The following CDH7 variants were observed in gnomAD, a reference collection of about 807,000 sequenced individuals.
The protein encoded by CDH7 is cadherin 7, also known as cadherin-7.
A neutral mutation model predicts 71.8 loss-of-function variants in CDH7; 25 were observed. The ratio of observed to expected loss-of-function variants is 0.35; its 90% CI spans 0.25 to 0.49. The LOEUF is 0.49. CDH7 is among the 20% of genes least tolerant of loss of function. The pLI is 0.99. For missense variants in CDH7, 862 were observed against 974.6 expected (o/e 0.88, Z 1.54); for synonymous variants, 381 against 363.8 (o/e 1.05, Z -0.54).
chr18:65,806,021 A>C (rs1347142938), intron 2 of CDH7, among the ~76,000 whole-genome samples: 3 of 152,228 alleles, frequency 2.0e-5, no homozygotes, highest in Non-Finnish European at 2.9e-5. Context: ...CAATAGACTC[A>C]TGGTGGAGGG....
rs189355823 is a variant in CDH7, at chr18:65,849,540, G to A, written c.1235+5475G>A. 2.6e-5 allele frequency among the ~76,000 whole-genome samples: 4 copies of A among 151,446 alleles called. No homozygotes were observed. In the East Asian group the frequency reaches 5.9e-4, roughly 23 times the overall value. Reference sequence around the variant, plus strand: ...CAATTCTTCTGCCCCTGCCTCCCGAGTAGCTGGCATTACAGGCATCCGCCA... The same window carrying A: ...CAATTCTTCTGCCCCTGCCTCCCGAATAGCTGGCATTACAGGCATCCGCCA... On this transcript the variant is annotated intron_variant, in intron 7 of 11. Transcript: ENST00000397968.
intron 2 of CDH7, among the ~76,000 whole-genome samples, chr18:65,801,156 G>A (rs774406657): frequency 8.5e-5 from 13 of 152,052 alleles, no homozygotes; most frequent in Admixed American, 5.9e-4. Flanking sequence ...TACCCCTTCT[G>A]GTTTTCATCC....
chr18:65,817,526 T>C (rs1369157873), intron 4 of CDH7, among the ~76,000 whole-genome samples: 1 of 152,164 alleles, frequency 6.6e-6, no homozygotes, highest in African/African-American at 2.4e-5. Context: ...ACACTAGAGA[T>C]AGATAAGCCA....
At chr18:65,792,561 T>C (rs1368769128) in intron 2 of CDH7, among the ~76,000 whole-genome samples, 4 of 152,118 alleles carry the variant, frequency 2.6e-5, no homozygotes, top group African/African-American at 9.7e-5. Flanking sequence ...AGGTAATATG[T>C]GTGTGGATAA....
At position 65,781,866 on chromosome 18, in the gene CDH7, C is replaced by CTCTCTCTG. The variant is rs1910244133; in HGVS notation, c.210+18821_210+18822insGTCTCTCT. ...TCTTTCTTTCTTTCTTTCTTTCTTTCTCTCTCTCTCTCTGTCTCTCTCTCT... is the reference window on the plus strand; with the variant it reads ...TCTTTCTTTCTTTCTTTCTTTCTTTCTCTCTCTGTCTCTCTCTCTCTGTCTCTCTCTCT... On this transcript the variant is annotated intron_variant, in intron 2 of 11. Coordinates refer to ENST00000397968, the MANE Select transcript of CDH7 (RefSeq NM_004361.5). 1.0e-4 allele frequency among the ~76,000 whole-genome samples: 6 copies of CTCTCTCTG among 59,746 alleles called. 1 individual carries two copies. The highest frequency in any genetic ancestry group is 5.8e-4 in the African/African-American group (6 of 10,352). 39.2% of individuals were successfully genotyped at this position (59,746 alleles called of 152,430 possible).
intron 2 of CDH7, among the ~76,000 whole-genome samples, chr18:65,791,741 T>C (rs1318809106): frequency 6.6e-6 from 1 of 152,248 alleles, no homozygotes; most frequent in East Asian, 1.9e-4. Flanking sequence ...TGACGTAATG[T>C]ATGTAATCCT....
At chr18:65,803,523 A>T (rs1599017303) in intron 2 of CDH7, 1 of 152,274 alleles carries the variant, frequency 6.6e-6, no homozygotes, top group East Asian at 1.9e-4. Flanking sequence ...CATTACCTTG[A>T]ACCACAGTAA....
At chr18:65,854,394 G>GT (rs1018782784) in intron 7 of CDH7, among the ~76,000 whole-genome samples, 7 of 152,080 alleles carry the variant, frequency 4.6e-5, no homozygotes, top group Non-Finnish European at 8.8e-5. Context: ...TGTTGCCCAT[G>GT]TTTTTTCAAA....
intron 7 of CDH7, among the ~76,000 whole-genome samples, chr18:65,852,734 C>T (rs903618983): frequency 1.1e-4 from 16 of 151,944 alleles, no homozygotes; most frequent in African/African-American, 3.1e-4. Flanking sequence ...CATATGGCTG[C>T]GTCTAATAAA....
intron 2 of CDH7, among the ~76,000 whole-genome samples, chr18:65,791,449 A>T (rs1448825454): frequency 1.3e-5 from 2 of 152,204 alleles, no homozygotes. Flanking sequence ...TAAAAAAATG[A>T]GGTAGAGGAA....
intron 7 of CDH7, among the ~76,000 whole-genome samples, chr18:65,855,999 G>GA (rs141064368): frequency 2.4e-4 from 36 of 147,386 alleles, no homozygotes; most frequent in East Asian, 9.9e-4. Flanking sequence ...CAGATCAATT[G>GA]AAAAAAAAAA....
intron 3 of CDH7, among the ~76,000 whole-genome samples, chr18:65,811,534 G>A (rs1012240492): frequency 2.0e-5 from 3 of 152,000 alleles, no homozygotes; most frequent in Admixed American, 6.6e-5. Flanking sequence ...CCTCACTACC[G>A]TCCACACCTT....
intron 11 of CDH7, among the ~76,000 whole-genome samples, chr18:65,876,708 A>G (rs1914083573): frequency 6.6e-6 from 1 of 152,180 alleles, no homozygotes; most frequent in African/African-American, 2.4e-5. Context: ...TTCTACTTTT[A>G]CATTTATTTA....
Position 65,866,253 on chromosome 18 carries a change from C to A in CDH7, c.1864+3336C>A, listed in dbSNP as rs1162507466. On this transcript the variant is annotated intron_variant, in intron 11 of 11. Transcript: ENST00000397968. ...GGCGGAGCTTGCAGTGAGCCGAGAT[C>A]CCGCCACTGCACTCCAGCCTGGGCG... The A allele has an allele frequency of 7.6e-5, 3 of 39,412 alleles. 1 individual carries two copies. Among genetic ancestry groups the A allele is most frequent in the African/African-American group, 2.8e-4 (3 of 10,704 alleles). The allele number at this position is 39,412 out of a possible 1,614,324, so 2.4% of individuals were successfully genotyped here. A position where few individuals can be genotyped will look rare whatever the true frequency, so the allele number is the denominator to read the frequency against.
chr18:65,826,470 A>C (rs996944896), intron 6 of CDH7, among the ~76,000 whole-genome samples: 2 of 151,376 alleles, frequency 1.3e-5, no homozygotes, highest in African/African-American at 4.8e-5. Context: ...CCATCATTGT[A>C]GTAATGTGGA....
chr18:65,768,447 G>C (rs188454205), intron 2 of CDH7, among the ~76,000 whole-genome samples: 46 of 152,226 alleles, frequency 3.0e-4, no homozygotes, highest in Non-Finnish European at 5.4e-4. Flanking sequence ...TGTAGGCCAG[G>C]CTGGTTTCGA....
At chr18:65,807,843 A>G (rs28655004) in intron 2 of CDH7, among the ~76,000 whole-genome samples, 12,048 of 152,224 alleles carry the variant, frequency 0.079, 779 homozygotes, top group African/African-American at 0.17. Flanking sequence ...AGCTTCTTGA[A>G]GATTTGGGGG....
chr18:65,867,889 T>C (rs1445735318), intron 11 of CDH7, among the ~76,000 whole-genome samples: 1 of 152,244 alleles, frequency 6.6e-6, no homozygotes, highest in African/African-American at 2.4e-5. Context: ...CCAGTATGTC[T>C]ATGATGGTCA....
At chr18:65,794,434 C>T (rs1910832414) in intron 2 of CDH7, among the ~76,000 whole-genome samples, 1 of 151,936 alleles carries the variant, frequency 6.6e-6, no homozygotes, top group Non-Finnish European at 1.5e-5. Context: ...GTATAAATTG[C>T]TGTGCTGTTA....
Sources: gnomAD v4.1 joint callset for allele counts (sites outside exome capture counted in the v4.1 genomes callset) on GRCh38, gnomAD v4.1.1 for gene constraint, MANE v1.5 for transcripts, NCBI Gene and HGNC (gene_info 2026-07-23, HGNC 2026-07-21) for gene names.